Variants in PDE10A observed in about 807,000 individuals in gnomAD.
PDE10A encodes phosphodiesterase 10A, also known as cAMP and cAMP-inhibited cGMP 3',5'-cyclic phosphodiesterase 10A.
PDE10A carries 39 observed loss-of-function variants against 97.7 expected under a neutral mutation model. The observed-to-expected ratio is 0.40, with a 90% CI of 0.31 to 0.52. The LOEUF is 0.52. Among genes scored for constraint, PDE10A ranks in the 20% least tolerant of loss-of-function variants. The pLI is 0.56. For synonymous variants in PDE10A, 371 were observed against 376.8 expected (o/e 0.98, Z 0.18); for missense variants, 731 against 1,047.8 (o/e 0.70, Z 4.17).
At chr6:165,657,271 T>G (rs559405558) in intron 1 of PDE10A, among the ~76,000 whole-genome samples, 1 of 152,376 alleles carries the variant, frequency 6.6e-6, no homozygotes, top group South Asian at 2.1e-4. Flanking sequence ...TACCTTCTGA[T>G]TTCCTTGCAA....
chr6:165,877,989 A>G (rs1172832554), intron 1 of PDE10A, among the ~76,000 whole-genome samples: 1 of 152,228 alleles, frequency 6.6e-6, no homozygotes, highest in Non-Finnish European at 1.5e-5. Flanking sequence ...AGAAAAGCAC[A>G]TGCACTTATG....
At chr6:165,519,222 C>A (rs894352951) in intron 2 of PDE10A, among the ~76,000 whole-genome samples, 1 of 152,062 alleles carries the variant, frequency 6.6e-6, no homozygotes, top group African/African-American at 2.4e-5. Flanking sequence ...TTCAAACTTA[C>A]GATATACGGC....
In PDE10A at chr6:165,943,140, G is replaced by C. The variant is rs1027581784; in HGVS notation, c.-615+44389C>G. Among the ~76,000 whole-genome samples, 4 of 114,626 alleles carry C rather than the reference G, an allele frequency of 3.5e-5. No homozygotes were observed. The East Asian group carries it at 9.9e-4, about 28-fold the overall frequency. The allele number at this position is 114,626 out of a possible 152,430, so 75.2% of individuals were successfully genotyped here. On this transcript the variant is annotated intron_variant, in intron 1 of 19. Transcript: ENST00000366882. ...GTGCGGTGGGGCAGGGGAGGCAAGA[G>C]AGGAGAGAGAGAGAGAGAGAGAAGA...
At chr6:165,768,381 G>T (rs1248115361) in intron 1 of PDE10A, among the ~76,000 whole-genome samples, 1 of 151,948 alleles carries the variant, frequency 6.6e-6, no homozygotes, top group Non-Finnish European at 1.5e-5. Flanking sequence ...TATACACATA[G>T]GTTTTCTTCT....
chr6:165,521,591 G>T (rs911682438), intron 2 of PDE10A, among the ~76,000 whole-genome samples: 1 of 152,174 alleles, frequency 6.6e-6, no homozygotes. Flanking sequence ...AAGCTTTAGT[G>T]ATCTAAGACA....
chr6:165,691,565 G>A (rs766446189), intron 1 of PDE10A, among the ~76,000 whole-genome samples: 2 of 145,568 alleles, frequency 1.4e-5, no homozygotes, highest in Non-Finnish European at 3.0e-5. Context: ...CTGTACACGT[G>A]CCCATGCGCA....
intron 1 of PDE10A, among the ~76,000 whole-genome samples, chr6:165,879,784 G>T (rs1360710726): frequency 6.6e-6 from 1 of 151,818 alleles, no homozygotes; most frequent in Non-Finnish European, 1.5e-5. Context: ...TGATTTTTTT[G>T]TCACAGTTTT....
chr6:165,490,936 C>G (rs1348004290), intron 2 of PDE10A, among the ~76,000 whole-genome samples: 3 of 152,174 alleles, frequency 2.0e-5, no homozygotes, highest in Non-Finnish European at 4.4e-5. Context: ...GCCTGGGGCA[C>G]AGAGCAAGAC....
chr6:165,938,544 G>C (rs551335674), intron 1 of PDE10A, among the ~76,000 whole-genome samples: 1 of 152,130 alleles, frequency 6.6e-6, no homozygotes, highest in Non-Finnish European at 1.5e-5. Flanking sequence ...ACTGGACAAC[G>C]GGGCCCTTAT....
chr6:165,872,367 T>C (rs1263664723), intron 1 of PDE10A, among the ~76,000 whole-genome samples: 1 of 152,100 alleles, frequency 6.6e-6, no homozygotes, highest in Non-Finnish European at 1.5e-5. Flanking sequence ...TATACCCCCA[T>C]TGTCACATGT....
chr6:165,827,180 G>A (rs1779784658), intron 1 of PDE10A, among the ~76,000 whole-genome samples: 1 of 152,222 alleles, frequency 6.6e-6, no homozygotes, highest in Non-Finnish European at 1.5e-5. Context: ...GGAGCGCGGA[G>A]GCCAAGCTCA....
At chr6:165,763,174 A>C (rs1328809233) in intron 1 of PDE10A, among the ~76,000 whole-genome samples, 2 of 152,130 alleles carry the variant, frequency 1.3e-5, no homozygotes, top group Non-Finnish European at 2.9e-5. Flanking sequence ...CTGCGTGTGT[A>C]TGGCTGCCCT....
At chr6:165,646,091 C>T (rs1226970165) in intron 1 of PDE10A, among the ~76,000 whole-genome samples, 1 of 152,130 alleles carries the variant, frequency 6.6e-6, no homozygotes, top group African/African-American at 2.4e-5. Context: ...CTGGCACAGA[C>T]CAGGGAACAG....
At chr6:165,787,384 G>A (rs1053542253) in intron 1 of PDE10A, among the ~76,000 whole-genome samples, 10 of 152,166 alleles carry the variant, frequency 6.6e-5, no homozygotes, top group Non-Finnish European at 1.0e-4. Flanking sequence ...GTGAGGGCCC[G>A]TCCTGGTGCT....
At chr6:165,903,047 C>CT (rs1389370206) in intron 1 of PDE10A, among the ~76,000 whole-genome samples, 4 of 152,210 alleles carry the variant, frequency 2.6e-5, no homozygotes, top group African/African-American at 9.7e-5. Flanking sequence ...ATTCCTGACA[C>CT]TTTTTTCCTC....
chr6:165,556,963 A>G (rs926233523), intron 1 of PDE10A, among the ~76,000 whole-genome samples: 8 of 151,888 alleles, frequency 5.3e-5, no homozygotes, highest in African/African-American at 1.9e-4. Context: ...AAAATGGTAA[A>G]CCCTGTCTCT....
intron 1 of PDE10A, among the ~76,000 whole-genome samples, chr6:165,794,709 C>T (rs1331392865): frequency 6.6e-6 from 1 of 152,110 alleles, no homozygotes; most frequent in Non-Finnish European, 1.5e-5. Flanking sequence ...TTCACCCACA[C>T]AAAAAAACCA....
intron 1 of PDE10A, among the ~76,000 whole-genome samples, chr6:165,863,299 T>C (rs969181216): frequency 6.6e-6 from 1 of 152,336 alleles, no homozygotes; most frequent in South Asian, 2.1e-4. Flanking sequence ...CTGAGTTTAC[T>C]GGGGCAAAGT....
At chr6:165,602,736 C>T (rs62426700) in intron 1 of PDE10A, among the ~76,000 whole-genome samples, 18,338 of 152,118 alleles carry the variant, frequency 0.12, 1,147 homozygotes, top group Non-Finnish European at 0.14. Context: ...CTAAATCATA[C>T]CTTGTACAGG....
Sources: allele counts gnomAD v4.1 joint callset (sites outside exome capture counted in the v4.1 genomes callset), GRCh38; gene constraint gnomAD v4.1.1; transcripts MANE v1.5; gene names NCBI Gene and HGNC (gene_info 2026-07-23, HGNC 2026-07-21).